STX3: variants seen among roughly 807,000 people sequenced by gnomAD.
STX3 encodes the protein syntaxin-3.
In STX3, 19 loss-of-function variants were observed where a neutral mutation model predicts 40.2. The observed-to-expected ratio is 0.47, with a 90% CI of 0.33 to 0.69. The LOEUF is 0.69. STX3 is among the 30% of genes least tolerant of loss of function. The pLI is 0.02. For missense variants in STX3, 364 were observed against 366.7 expected (o/e 0.99, Z 0.06); for synonymous variants, 122 against 132.2 (o/e 0.92, Z 0.53).
Position 59,755,502 on chromosome 11 carries a change from C to T in STX3, c.-104C>T. On this transcript the variant is annotated 5_prime_UTR_variant, in exon 1 of 11. Transcript: ENST00000337979. ...CGCCTGCGCCTCCAGCTCCTTCGCC[C>T]CGGCGGGCCCGGCCGCCGCTTCCGG... 7.2e-7 allele frequency: 1 copy of T among 1,388,250 alleles called. No individual in the cohort carries two copies. 86.0% of individuals were successfully genotyped at this position (1,388,250 alleles called of 1,614,324 possible).
At chr11:59,800,737 T>C (rs1205688615) in intron 10 of STX3, 118 bp from the exon 11 acceptor site, 10 of 1,512,232 alleles carry the variant, frequency 6.6e-6, no homozygotes, top group African/African-American at 1.4e-5. Context: ...TGGGTTTGTC[T>C]ATTTCATAGT....
At chr11:59,781,688 C>A (rs1864392591) in intron 2 of STX3, 1 of 1,602,060 alleles carries the variant, frequency 6.2e-7, no homozygotes, top group Non-Finnish European at 8.5e-7. Context: ...CCACCAGGCG[C>A]CATCTTCCTT....
chr11:59,763,007 G>A (rs1232269562), intron 1 of STX3, among the ~76,000 whole-genome samples: 1 of 152,172 alleles, frequency 6.6e-6, no homozygotes, highest in East Asian at 1.9e-4. Context: ...GTTGGGCACT[G>A]CGTCTTCTCT....
At position 59,801,026 on chromosome 11, in the gene STX3, A is replaced by G. The variant is rs1338280138; in HGVS notation, c.*202A>G. 3 of 1,498,178 alleles carry G rather than the reference A, an allele frequency of 2.0e-6. No homozygotes were observed. The highest frequency in any genetic ancestry group is 2.7e-6 in the Non-Finnish European group (3 of 1,126,520). 92.8% of individuals were successfully genotyped at this position (1,498,178 alleles called of 1,614,324 possible). ...GGGGGAATGTGATCTACCTGATGCG[A>G]CCCTGAGTTCTCCCCAGAGCCTCCT... On this transcript the variant is annotated 3_prime_UTR_variant, in exon 11 of 11. Coordinates refer to ENST00000337979, the MANE Select transcript of STX3 (RefSeq NM_004177.5).
rs543497322 is a variant in STX3, at chr11:59,782,410, AT to A, written c.115-4622del. Among the ~76,000 whole-genome samples, 256 of 152,314 alleles carry A rather than the reference AT, an allele frequency of 1.7e-3. 1 individual carries two copies. Among genetic ancestry groups the A allele is most frequent in the African/African-American group, 5.7e-3 (236 of 41,556 alleles). Reference sequence around the variant, plus strand: ...TGACAAATGTGCAGTAATTGCTGGCATTTTTGTATTTATCATTGTCATCACC... The same window carrying A: ...TGACAAATGTGCAGTAATTGCTGGCATTTTGTATTTATCATTGTCATCACC... On this transcript the variant is annotated intron_variant, in intron 2 of 10. Coordinates refer to ENST00000337979, the MANE Select transcript of STX3 (RefSeq NM_004177.5).
At position 59,805,859 on chromosome 11, in the gene STX3, A is replaced by G. The variant is rs1866071101; in HGVS notation, c.*5035A>G. The G allele has an allele frequency of 6.5e-6, 1 of 153,230 alleles. No individual in the cohort carries two copies. Among genetic ancestry groups the G allele is most frequent in the Non-Finnish European group, 1.5e-5 (1 of 68,752 alleles). The allele number at this position is 153,230 out of a possible 1,614,324, so 9.5% of individuals were successfully genotyped here. A position where few individuals can be genotyped will look rare whatever the true frequency, so the allele number is the denominator to read the frequency against. On this transcript the variant is annotated 3_prime_UTR_variant, in exon 11 of 11. Coordinates refer to ENST00000337979, the MANE Select transcript of STX3 (RefSeq NM_004177.5). ...TGAGAAGATGGGTAGCTGGGCATCA[A>G]TAAATATTGAATCAATTGACCTATG...
At chr11:59,764,733 A>T (rs953636965) in intron 1 of STX3, among the ~76,000 whole-genome samples, 2 of 152,110 alleles carry the variant, frequency 1.3e-5, no homozygotes, top group Non-Finnish European at 2.9e-5. Context: ...GAGGTCGTTT[A>T]TTAGCTGAAT....
chr11:59,795,670 A>C, intron 9 of STX3, 188 bp downstream of exon 9: 1 of 1,537,246 alleles, frequency 6.5e-7, no homozygotes, highest in East Asian at 2.4e-5. Flanking sequence ...GGGCCGTGGC[A>C]GATACCAAAA....
chr11:59,755,653 CGGGGTGCTGCCAGGA>C lies in STX3; in HGVS notation c.30+29_30+43del, dbSNP rs751028471. The C allele has an allele frequency of 6.3e-6, 10 of 1,590,866 alleles. No individual in the cohort carries two copies. The highest frequency in any genetic ancestry group is 2.7e-5 in the African/African-American group (2 of 73,944). ...TGAAGGCCGTGAGTTTCGCCGCAGG[CGGGGTGCTGCCAGGA>C]GGGGTGCTGCATGGGAGAGGGGCTT... On this transcript the variant is annotated intron_variant, in intron 1 of 10. Transcript: ENST00000337979.
At position 59,803,695 on chromosome 11, in the gene STX3, C is replaced by T. The variant is rs1013627216; in HGVS notation, c.*2871C>T. ...CACACAGTAAATTCAAATTAAATTT[C>T]TTCCCTTTCAAGGTTAATGAAAGTT... On this transcript the variant is annotated 3_prime_UTR_variant, in exon 11 of 11. Transcript: ENST00000337979. Among the ~76,000 whole-genome samples, 3 of 152,172 alleles carry T rather than the reference C, an allele frequency of 2.0e-5. No individual in the cohort carries two copies. The highest frequency in any genetic ancestry group is 4.4e-5 in the Non-Finnish European group (3 of 68,038).
At chr11:59,777,269 T>C (rs1473413275) in intron 2 of STX3, among the ~76,000 whole-genome samples, 2 of 152,152 alleles carry the variant, frequency 1.3e-5, no homozygotes, top group Non-Finnish European at 1.5e-5. Context: ...CCTGGGGAGT[T>C]TTTTGCACAT....
At chr11:59,792,896 A>T (rs1236848548) in intron 6 of STX3, among the ~76,000 whole-genome samples, 1 of 152,114 alleles carries the variant, frequency 6.6e-6, no homozygotes, top group Non-Finnish European at 1.5e-5. Flanking sequence ...GTAATGAGAT[A>T]AGTGCTTTAG....
intron 2 of STX3, among the ~76,000 whole-genome samples, chr11:59,777,651 C>A (rs1343817007): frequency 6.6e-6 from 1 of 152,080 alleles, no homozygotes; most frequent in Non-Finnish European, 1.5e-5. Flanking sequence ...GGGATGGTGC[C>A]GTTTAAAGGT....
rs532840845 is a variant in STX3, at chr11:59,803,096, T to C, written c.*2272T>C. On this transcript the variant is annotated 3_prime_UTR_variant, in exon 11 of 11. Transcript: ENST00000337979. ...CCTAGAAGCCAGATCCATCTCCTTTTTCCTTCTGTTGCTCTCTTCCTTCAC... is the reference window on the plus strand; with the variant it reads ...CCTAGAAGCCAGATCCATCTCCTTTCTCCTTCTGTTGCTCTCTTCCTTCAC... 1.5e-5 allele frequency: 19 copies of C among 1,228,216 alleles called. No individual in the cohort carries two copies. Among genetic ancestry groups the C allele is most frequent in the Admixed American group, 8.5e-5 (2 of 23,614 alleles). 76.1% of individuals were successfully genotyped at this position (1,228,216 alleles called of 1,614,324 possible). A position where few individuals can be genotyped will look rare whatever the true frequency, so the allele number is the denominator to read the frequency against.
At position 59,787,676 on chromosome 11, in the gene STX3, T is replaced by C. The variant is rs571390112; in HGVS notation, c.214+540T>C. Among the ~76,000 whole-genome samples, 17 of 152,334 alleles carry C rather than the reference T, an allele frequency of 1.1e-4. No homozygotes were observed. The South Asian group carries it at 3.5e-3, about 32-fold the overall frequency. On this transcript the variant is annotated intron_variant, in intron 3 of 10. Transcript: ENST00000337979. ...AACCTTTTGGCTTCCCTGGGCCACA[T>C]TGGAAGAAGAATTGTCTTGGGCCAT...
upstream of STX3, chr11:59,755,079 G>A (rs900827124): frequency 1.3e-5 from 2 of 152,678 alleles, no homozygotes; most frequent in East Asian, 1.9e-4. Flanking sequence ...CGCCTAGCAA[G>A]GAGTCGGCTA....
intron 1 of STX3, among the ~76,000 whole-genome samples, chr11:59,772,510 A>T (rs1171390306): frequency 1.3e-5 from 2 of 152,102 alleles, no homozygotes; most frequent in Non-Finnish European, 2.9e-5. Context: ...TTCCTTTGTG[A>T]TAGGTGGTTT....
At chr11:59,769,448 G>A (rs1358091028) in intron 1 of STX3, among the ~76,000 whole-genome samples, 1 of 152,124 alleles carries the variant, frequency 6.6e-6, no homozygotes, top group East Asian at 1.9e-4. Flanking sequence ...GGTCTGTGGG[G>A]GTATTACTAC....
upstream of STX3, chr11:59,754,284 T>C (rs1361120720): frequency 6.6e-6 from 1 of 152,050 alleles, no homozygotes; most frequent in African/African-American, 2.4e-5. Flanking sequence ...ACGCACCGTA[T>C]CTTTATGGGA....
Sources: allele counts gnomAD v4.1 joint callset (sites outside exome capture counted in the v4.1 genomes callset), GRCh38; gene constraint gnomAD v4.1.1; transcripts MANE v1.5; gene names NCBI Gene and HGNC (gene_info 2026-07-23, HGNC 2026-07-21).